The following NEGR1 variants were observed in gnomAD, a reference collection of about 807,000 sequenced individuals.
NEGR1 encodes neuronal growth regulator 1.
NEGR1 carries 10 observed loss-of-function variants against 40.9 expected under a neutral mutation model. That is an observed-to-expected ratio of 0.24 (90% CI 0.15 to 0.42). NEGR1 has a LOEUF of 0.42. Among genes scored for constraint, NEGR1 ranks in the 10% least tolerant of loss-of-function variants. The pLI, the probability that NEGR1 is intolerant of heterozygous loss-of-function variation, is 1.00. For missense variants in NEGR1, 352 were observed against 438.9 expected, an observed-to-expected ratio of 0.80 and a Z score of 1.77; for synonymous variants, 185 against 166.8, an observed-to-expected ratio of 1.11 and a Z score of -0.84.
intron 1 of NEGR1, among the ~76,000 whole-genome samples, chr1:72,231,733 C>T (rs913982580): frequency 1.3e-5 from 2 of 152,034 alleles, no homozygotes; most frequent in Admixed American, 1.3e-4. Context: ...AGCCATGTTA[C>T]ATTATCACAT....
intron 1 of NEGR1, among the ~76,000 whole-genome samples, chr1:72,054,932 G>T (rs747899071): frequency 7.9e-5 from 12 of 151,036 alleles, no homozygotes; most frequent in Admixed American, 2.0e-4. Flanking sequence ...GGGATCAAAG[G>T]GATGATATTT....
At chr1:71,450,142 C>T (rs1344833953) in intron 6 of NEGR1, among the ~76,000 whole-genome samples, 1 of 151,926 alleles carries the variant, frequency 6.6e-6, no homozygotes, top group Non-Finnish European at 1.5e-5. Flanking sequence ...ATGGGCGTGC[C>T]ACCACGCCTG....
chr1:71,664,058 T>C (rs1239019745), intron 4 of NEGR1, among the ~76,000 whole-genome samples: 9 of 152,242 alleles, frequency 5.9e-5, no homozygotes, highest in Admixed American at 5.9e-4. Context: ...AAACATCTAG[T>C]GAACTTCTCT....
chr1:71,471,633 T>TAAAAC lies in NEGR1; in HGVS notation c.941-64068_941-64064dup, dbSNP rs1337299733. Among the ~76,000 whole-genome samples, 8 of 144,582 alleles carry TAAAAC rather than the reference T, an allele frequency of 5.5e-5. 1 individual carries two copies. The South Asian group carries it at 6.8e-4, about 12-fold the overall frequency. 94.9% of individuals were successfully genotyped at this position (144,582 alleles called of 152,430 possible). On this transcript the variant is annotated intron_variant, in intron 6 of 6. Coordinates refer to ENST00000357731, the MANE Select transcript of NEGR1 (RefSeq NM_173808.3). Reference sequence around the variant, plus strand: ...CTGGGCGACAGAGTGAGACTCTGTCTAAAACAAAACAAAACAAAACAACAA... The same window carrying TAAAAC: ...CTGGGCGACAGAGTGAGACTCTGTCTAAAACAAAACAAAACAAAACAAAACAACAA...
Position 71,680,008 on chromosome 1 carries a change from G to A in NEGR1, c.667+18000C>T, listed in dbSNP as rs191108588. Among the ~76,000 whole-genome samples the A allele has an allele frequency of 4.0e-3, 600 of 151,864 alleles. 8 individuals are homozygous for A. In the South Asian group the frequency reaches 0.04, roughly 10 times the overall value. ...CAACATGATATTTTTATACATTGCTGGAATCAGTATGCTAATATCTTGTTT... is the reference window on the plus strand; with the variant it reads ...CAACATGATATTTTTATACATTGCTAGAATCAGTATGCTAATATCTTGTTT... On this transcript the variant is annotated intron_variant, in intron 4 of 6. Coordinates refer to ENST00000357731, the MANE Select transcript of NEGR1 (RefSeq NM_173808.3).
At chr1:72,055,467 T>C (rs573774693) in intron 1 of NEGR1, among the ~76,000 whole-genome samples, 1 of 151,254 alleles carries the variant, frequency 6.6e-6, no homozygotes, top group South Asian at 2.1e-4. Context: ...GTTCTTTCCT[T>C]TGACCTTTTG....
intron 3 of NEGR1, among the ~76,000 whole-genome samples, chr1:71,766,654 A>C (rs1656143249): frequency 6.6e-6 from 1 of 152,218 alleles, no homozygotes; most frequent in African/African-American, 2.4e-5. Context: ...GGCTTTCAAC[A>C]TGCTTCTAGA....
chr1:71,413,680 G>C (rs1557517785), intron 6 of NEGR1, among the ~76,000 whole-genome samples: 1 of 152,084 alleles, frequency 6.6e-6, no homozygotes, highest in Non-Finnish European at 1.5e-5. Flanking sequence ...CTAATGACGA[G>C]TTTGTTTTTA....
intron 1 of NEGR1, among the ~76,000 whole-genome samples, chr1:72,067,464 T>G (rs1400944859): frequency 6.6e-6 from 1 of 152,054 alleles, no homozygotes; most frequent in Non-Finnish European, 1.5e-5. Flanking sequence ...TACAGAAAAA[T>G]AATTGACTAG....
At chr1:71,881,420 T>G (rs1660580706) in intron 2 of NEGR1, among the ~76,000 whole-genome samples, 1 of 152,080 alleles carries the variant, frequency 6.6e-6, no homozygotes, top group Non-Finnish European at 1.5e-5. Context: ...AATCTCAGTT[T>G]AAAATAAATT....
intron 6 of NEGR1, among the ~76,000 whole-genome samples, chr1:71,462,942 C>T (rs957272683): frequency 2.5e-4 from 38 of 152,030 alleles, no homozygotes; most frequent in Non-Finnish European, 2.9e-5. Flanking sequence ...GTAAGAAAAT[C>T]GGATGAAGCT....
At chr1:71,999,632 A>AATATAT (rs528857972) in intron 1 of NEGR1, among the ~76,000 whole-genome samples, 733 of 47,982 alleles carry the variant, frequency 0.015, 57 homozygotes, top group Middle Eastern at 0.019. Flanking sequence ...GAGCAAAGCA[A>AATATAT]ATATATATAT....
chr1:72,124,774 A>G (rs947364790), intron 1 of NEGR1, among the ~76,000 whole-genome samples: 1 of 152,072 alleles, frequency 6.6e-6, no homozygotes, highest in Non-Finnish European at 1.5e-5. Flanking sequence ...AATTGCTAAT[A>G]AAAAACTGAG....
intron 6 of NEGR1, among the ~76,000 whole-genome samples, chr1:71,476,441 T>C (rs996938941): frequency 6.6e-6 from 1 of 152,112 alleles, no homozygotes; most frequent in African/African-American, 2.4e-5. Flanking sequence ...TGGGAGGTAA[T>C]CTTGAAGTCC....
intron 6 of NEGR1, among the ~76,000 whole-genome samples, chr1:71,508,004 C>A (rs930930806): frequency 1.3e-5 from 2 of 152,168 alleles, no homozygotes; most frequent in Non-Finnish European, 1.5e-5. Flanking sequence ...ATTATATGGG[C>A]TCCCACAGTT....
intron 1 of NEGR1, among the ~76,000 whole-genome samples, chr1:71,972,171 AG>A (rs1646261930): frequency 6.6e-6 from 1 of 152,216 alleles, no homozygotes; most frequent in African/African-American, 2.4e-5. Flanking sequence ...ATAGCAGTGC[AG>A]GCACTGTAGT....
chr1:72,238,431 A>G (rs564683079), intron 1 of NEGR1, among the ~76,000 whole-genome samples: 5 of 151,908 alleles, frequency 3.3e-5, no homozygotes, highest in Non-Finnish European at 7.4e-5. Context: ...ATATTTACTT[A>G]TTACCTTCAA....
intron 1 of NEGR1, among the ~76,000 whole-genome samples, chr1:71,951,566 T>G (rs1229002618): frequency 6.6e-6 from 1 of 151,986 alleles, no homozygotes; most frequent in Non-Finnish European, 1.5e-5. Context: ...GTTCTGGCCA[T>G]GCAAGTAGAC....
At chr1:71,590,925 G>A (rs989837431) in intron 6 of NEGR1, among the ~76,000 whole-genome samples, 1 of 152,078 alleles carries the variant, frequency 6.6e-6, no homozygotes, top group African/African-American at 2.4e-5. Flanking sequence ...AATAGCAGGT[G>A]CTGTGCTTGG....
Sources: gnomAD v4.1 joint callset for allele counts (sites outside exome capture counted in the v4.1 genomes callset) on GRCh38, gnomAD v4.1.1 for gene constraint, MANE v1.5 for transcripts, NCBI Gene and HGNC (gene_info 2026-07-23, HGNC 2026-07-21) for gene names.